Variants in ULK4 observed in about 807,000 individuals in gnomAD.
ULK4 encodes the protein unc-51 like kinase 4.
In ULK4, 133 loss-of-function variants were observed where a neutral mutation model predicts 160.6. The observed-to-expected ratio is 0.83, with a 90% CI of 0.72 to 0.96. The LOEUF (loss-of-function observed/expected upper bound fraction) is 0.96, where lower values mean the gene tolerates loss of function less well. ULK4 is among the 40% of genes least tolerant of loss of function. ULK4 has a pLI of 0.00. For missense variants in ULK4, 1,580 were observed against 1,499.5 expected (o/e 1.05, Z -0.89); for synonymous variants, 534 against 539.8 (o/e 0.99, Z 0.15).
chr3:41,844,943 C>T (rs2042029856), intron 17 of ULK4, among the ~76,000 whole-genome samples: 1 of 151,338 alleles, frequency 6.6e-6, no homozygotes, highest in Non-Finnish European at 1.5e-5. Context: ...TTGTAATTGT[C>T]AAAACTGGAA....
intron 4 of ULK4, among the ~76,000 whole-genome samples, chr3:41,932,389 T>C (rs1324000773): frequency 6.6e-6 from 1 of 152,206 alleles, no homozygotes; most frequent in Non-Finnish European, 1.5e-5. Context: ...GGAAGCATAA[T>C]GTAGCATTAA....
At chr3:41,403,684 T>C (rs958081008) in intron 34 of ULK4, among the ~76,000 whole-genome samples, 8 of 152,192 alleles carry the variant, frequency 5.3e-5, no homozygotes, top group Admixed American at 1.3e-4. Context: ...ACTTAGATTA[T>C]TGATTTAAAA....
chr3:41,333,457 G>C (rs1470721762), intron 35 of ULK4, among the ~76,000 whole-genome samples: 1 of 146,848 alleles, frequency 6.8e-6, no homozygotes, highest in East Asian at 1.9e-4. Flanking sequence ...ACTGGGCACT[G>C]GCTTGGGGAA....
At chr3:41,845,378 T>A (rs1444139618) in intron 17 of ULK4, among the ~76,000 whole-genome samples, 2 of 152,134 alleles carry the variant, frequency 1.3e-5, no homozygotes, top group Non-Finnish European at 2.9e-5. Flanking sequence ...ACAACCTAGA[T>A]GAATTTCCAG....
At chr3:41,844,244 G>A (rs1269262651) in intron 17 of ULK4, among the ~76,000 whole-genome samples, 3 of 152,124 alleles carry the variant, frequency 2.0e-5, no homozygotes, top group Admixed American at 6.5e-5. Context: ...GGAGACTCGG[G>A]CTGCACAGGA....
intron 22 of ULK4, among the ~76,000 whole-genome samples, chr3:41,721,722 T>A (rs1373420717): frequency 6.6e-6 from 1 of 151,860 alleles, no homozygotes; most frequent in African/African-American, 2.4e-5. Flanking sequence ...TAAAAACATT[T>A]TCTAGGAGAT....
At chr3:41,949,750 T>TTTC (rs1700227443) in intron 2 of ULK4, among the ~76,000 whole-genome samples, 2 of 115,886 alleles carry the variant, frequency 1.7e-5, no homozygotes, top group Non-Finnish European at 4.1e-5. Context: ...TTTTTCTTTC[T>TTTC]TTTTTTTTGA....
intron 35 of ULK4, among the ~76,000 whole-genome samples, chr3:41,322,879 T>A (rs2080270742): frequency 6.6e-6 from 1 of 152,116 alleles, no homozygotes; most frequent in Non-Finnish European, 1.5e-5. Context: ...TGACTAGGGA[T>A]TAGGGAAAGA....
intron 35 of ULK4, among the ~76,000 whole-genome samples, chr3:41,383,005 C>T (rs1246251529): frequency 6.6e-6 from 1 of 151,668 alleles, no homozygotes; most frequent in Non-Finnish European, 1.5e-5. Flanking sequence ...AATTTAAAAA[C>T]ATTTAGTGTA....
At chr3:41,567,938 T>TA (rs902662273) in intron 31 of ULK4, among the ~76,000 whole-genome samples, 5 of 152,204 alleles carry the variant, frequency 3.3e-5, no homozygotes, top group African/African-American at 1.2e-4. Flanking sequence ...CATCTTACCC[T>TA]AACCGTGTTG....
chr3:41,689,307 ATAAT>A (rs2125803020), intron 27 of ULK4, among the ~76,000 whole-genome samples: 1 of 152,334 alleles, frequency 6.6e-6, no homozygotes, highest in South Asian at 2.1e-4. Context: ...CCCCTTTTTA[ATAAT>A]TAAATTTAGA....
chr3:41,470,018 GAAAAAAAAAAAAAAAA>G (rs71094650), intron 32 of ULK4, among the ~76,000 whole-genome samples: 1 of 45,976 alleles, frequency 2.2e-5, no homozygotes, highest in Non-Finnish European at 3.8e-5. Context: ...AAACAGAACA[GAAAAAAAAAAAAAAAA>G]AAAAAAAAAA....
chr3:41,534,028 C>T lies in ULK4; in HGVS notation c.3226+31997G>A, dbSNP rs553479594. 2.6e-5 allele frequency among the ~76,000 whole-genome samples: 4 copies of T among 152,206 alleles called. No individual in the cohort carries two copies. In the South Asian group the frequency reaches 6.2e-4, roughly 24 times the overall value. On this transcript the variant is annotated intron_variant, in intron 32 of 36. Transcript: ENST00000301831. The stretch of plus-strand genomic sequence containing the variant: ...TTCACCGTGTTAGCCAAGATGGTCT[C>T]GATCTCCTGACTCATGATCCAACCG...
intron 17 of ULK4, among the ~76,000 whole-genome samples, chr3:41,868,527 G>A (rs189053128): frequency 1.3e-5 from 2 of 152,080 alleles, no homozygotes; most frequent in East Asian, 1.9e-4. Flanking sequence ...TCACTCTGTC[G>A]CCCAGGCTGG....
chr3:41,456,591 T>C (rs1019016482), intron 33 of ULK4, among the ~76,000 whole-genome samples: 3 of 152,236 alleles, frequency 2.0e-5, no homozygotes, highest in African/African-American at 7.2e-5. Context: ...AGGGGTTTTA[T>C]AGAACTGTCT....
chr3:41,489,020 C>T (rs951765727), intron 32 of ULK4, among the ~76,000 whole-genome samples: 2 of 152,096 alleles, frequency 1.3e-5, no homozygotes, highest in African/African-American at 4.8e-5. Context: ...ATCTCAGCCC[C>T]CTTCTGCCTC....
chr3:41,919,672 T>C lies in ULK4; in HGVS notation c.643+45A>G, dbSNP rs774800698. The C allele has an allele frequency of 5.9e-6, 9 of 1,516,112 alleles. No individual in the cohort carries two copies. The African/African-American group carries it at 6.9e-5, about 12-fold the overall frequency. The allele number at this position is 1,516,112 out of a possible 1,614,324, so 93.9% of individuals were successfully genotyped here. On this transcript the variant is annotated intron_variant, in intron 6 of 36. Coordinates refer to ENST00000301831, the MANE Select transcript of ULK4 (RefSeq NM_017886.4). ...TCTGCAAAGTACAGACTTAACCTGG[T>C]TTTTAGTCCAGCTCTGATTTTATAC...
At chr3:41,948,667 C>T (rs1364455677) in intron 2 of ULK4, among the ~76,000 whole-genome samples, 3 of 146,960 alleles carry the variant, frequency 2.0e-5, no homozygotes, top group South Asian at 2.2e-4. Flanking sequence ...GGGAAAAAAA[C>T]GCATGATCAT....
At chr3:41,519,448 T>C (rs2085856531) in intron 32 of ULK4, among the ~76,000 whole-genome samples, 1 of 152,234 alleles carries the variant, frequency 6.6e-6, no homozygotes, top group Admixed American at 6.5e-5. Flanking sequence ...TTCCAATATT[T>C]ATTTTTAAAT....
Sources: gnomAD v4.1 joint callset for allele counts (sites outside exome capture counted in the v4.1 genomes callset) on GRCh38, gnomAD v4.1.1 for gene constraint, MANE v1.5 for transcripts, NCBI Gene and HGNC (gene_info 2026-07-23, HGNC 2026-07-21) for gene names.